SAXO1: variants seen among roughly 807,000 people sequenced by gnomAD.
SAXO1 encodes stabilizer of axonemal microtubules 1.
In SAXO1, 21 loss-of-function variants were observed where a neutral mutation model predicts 17.5. The observed-to-expected ratio is 1.20, with a 90% CI of 0.85 to 1.72. The LOEUF is 1.72. Ranked by LOEUF, SAXO1 falls within the 40% of genes most tolerant of loss-of-function variation. The pLI is 0.00. For synonymous variants in SAXO1, 274 were observed against 216.5 expected (o/e 1.27, Z -2.33); for missense variants, 843 against 596.0 (o/e 1.41, Z -4.32).
At chr9:18,944,400 C>G (rs1010868972) in intron 2 of SAXO1, among the ~76,000 whole-genome samples, 1 of 152,214 alleles carries the variant, frequency 6.6e-6, no homozygotes, top group African/African-American at 2.4e-5. Context: ...TGTCCCCAAT[C>G]ACACATAATC....
At chr9:18,948,130 G>A (rs532341418) in intron 2 of SAXO1, among the ~76,000 whole-genome samples, 3 of 152,272 alleles carry the variant, frequency 2.0e-5, no homozygotes, top group Admixed American at 6.5e-5. Context: ...GCAGACACTG[G>A]GCTGACGCAT....
intron 1 of SAXO1, among the ~76,000 whole-genome samples, chr9:19,030,758 G>A (rs184401167): frequency 5.5e-4 from 84 of 152,254 alleles, no homozygotes; most frequent in African/African-American, 1.9e-3. Flanking sequence ...TTGAGGGAGA[G>A]TAAGAGATGA....
At chr9:19,012,446 A>C (rs1453017230) in intron 1 of SAXO1, among the ~76,000 whole-genome samples, 1 of 152,266 alleles carries the variant, frequency 6.6e-6, no homozygotes, top group Non-Finnish European at 1.5e-5. Context: ...CCTAGAGTGA[A>C]AAATGCTACA....
chr9:18,940,081 T>A (rs1831487027), intron 3 of SAXO1, among the ~76,000 whole-genome samples: 1 of 152,030 alleles, frequency 6.6e-6, no homozygotes, highest in African/African-American at 2.4e-5. Flanking sequence ...GCTCCAAAGA[T>A]AGGCCATGAA....
At chr9:18,990,289 A>G (rs1398914582) in intron 1 of SAXO1, among the ~76,000 whole-genome samples, 2 of 152,188 alleles carry the variant, frequency 1.3e-5, no homozygotes, top group African/African-American at 4.8e-5. Context: ...AAACGCTCCC[A>G]GTTAAAATGG....
intron 1 of SAXO1, among the ~76,000 whole-genome samples, chr9:18,957,781 T>G (rs541291481): frequency 4.1e-4 from 62 of 152,322 alleles, no homozygotes; most frequent in Middle Eastern, 6.8e-3. Flanking sequence ...TGTTTTGTCT[T>G]AACAACCCCC....
rs771516086 is a variant in SAXO1 at position 18,928,901 on chromosome 9, G to A, written c.576C>T (p.Ala192=). 2.5e-6 allele frequency: 4 copies of A among 1,614,182 alleles called. No homozygotes were observed. The highest frequency in any genetic ancestry group is 1.6e-4 in the Middle Eastern group (1 of 6,062). ...LVKTISCKPL[A]MPKLCNIPLE... ...AGGGGATGTTACAGAGCTTTGGCATGGCCAGAGGTTTACAGCTTATGGTCT... is the reference window on the plus strand; with the variant it reads ...AGGGGATGTTACAGAGCTTTGGCATAGCCAGAGGTTTACAGCTTATGGTCT... Residue 192 remains alanine (A), a synonymous_variant, in exon 4 of 4, where the codon GCC becomes GCT. Transcript: ENST00000380534.
chr9:19,030,586 A>G (rs1835717901), intron 1 of SAXO1, among the ~76,000 whole-genome samples: 1 of 152,112 alleles, frequency 6.6e-6, no homozygotes, highest in Non-Finnish European at 1.5e-5. Context: ...GGTACCTGTA[A>G]TCCCAGCTAC....
At chr9:19,012,647 G>C (rs1834797479) in intron 1 of SAXO1, among the ~76,000 whole-genome samples, 3 of 152,226 alleles carry the variant, frequency 2.0e-5, no homozygotes, top group Admixed American at 2.0e-4. Flanking sequence ...GGATACATCA[G>C]AACGTGCAAA....
At chr9:18,939,117 A>G (rs541470830) in intron 3 of SAXO1, among the ~76,000 whole-genome samples, 1 of 152,214 alleles carries the variant, frequency 6.6e-6, no homozygotes, top group South Asian at 2.1e-4. Flanking sequence ...AGGAGAGGCG[A>G]GTCCGCCATC....
chr9:18,932,591 A>T (rs1831101850), intron 3 of SAXO1, among the ~76,000 whole-genome samples: 1 of 152,224 alleles, frequency 6.6e-6, no homozygotes, highest in African/African-American at 2.4e-5. Context: ...TGAGATTTTG[A>T]TAGGAATTGC....
At chr9:18,978,760 G>T (rs1833254144) in intron 1 of SAXO1, among the ~76,000 whole-genome samples, 1 of 152,210 alleles carries the variant, frequency 6.6e-6, no homozygotes, top group Non-Finnish European at 1.5e-5. Flanking sequence ...TCAACAGTTT[G>T]CAGATGGAGA....
chr9:18,927,770 C>A lies in SAXO1; in HGVS notation c.*282G>T, dbSNP rs945442. ...ATAAAATACATCTGGATCAGAGAAA[C>A]CCTCACAGACCAACTTTGATTCCAT... On this transcript the variant is annotated 3_prime_UTR_variant, in exon 4 of 4. Transcript: ENST00000380534. The A allele has an allele frequency of 0.74, 254,518 of 344,134 alleles. 94,971 individuals are homozygous for A. The highest frequency in any genetic ancestry group is 0.8 in the Middle Eastern group (1,029 of 1,292). The allele number at this position is 344,134 out of a possible 1,614,324, so 21.3% of individuals were successfully genotyped here.
At chr9:19,023,848 G>C (rs10122088) in intron 1 of SAXO1, among the ~76,000 whole-genome samples, 127,992 of 151,568 alleles carry the variant, frequency 0.84, 54,356 homozygotes, top group African/African-American at 0.92. Context: ...AAGGAACGAA[G>C]GAACGAACAA....
chr9:18,935,767 C>G (rs1831261697), intron 3 of SAXO1, among the ~76,000 whole-genome samples: 1 of 152,210 alleles, frequency 6.6e-6, no homozygotes, highest in South Asian at 2.1e-4. Context: ...CAGAAGTTGT[C>G]TTCCCTGATT....
At chr9:18,990,098 C>T (rs915998158) in intron 1 of SAXO1, among the ~76,000 whole-genome samples, 2 of 152,002 alleles carry the variant, frequency 1.3e-5, no homozygotes, top group African/African-American at 4.8e-5. Context: ...TAGGTACGCT[C>T]AGTGGCAGAC....
At chr9:18,942,847 A>G (rs1167716528) in intron 2 of SAXO1, among the ~76,000 whole-genome samples, 1 of 152,210 alleles carries the variant, frequency 6.6e-6, no homozygotes, top group Non-Finnish European at 1.5e-5. Context: ...TTCCCTCTGA[A>G]GGGTGTCTGT....
At chr9:18,956,831 T>C (rs1268499824) in intron 1 of SAXO1, among the ~76,000 whole-genome samples, 1 of 152,224 alleles carries the variant, frequency 6.6e-6, no homozygotes, top group African/African-American at 2.4e-5. Context: ...TATATATTAT[T>C]GCATCTAATC....
At chr9:18,995,273 GC>G (rs1833956792) in intron 1 of SAXO1, among the ~76,000 whole-genome samples, 2 of 152,062 alleles carry the variant, frequency 1.3e-5, no homozygotes, top group South Asian at 4.2e-4. Context: ...CTCCTTTCTA[GC>G]GATCAGTATC....
Sources: gnomAD v4.1 joint callset for allele counts (sites outside exome capture counted in the v4.1 genomes callset) on GRCh38, gnomAD v4.1.1 for gene constraint, MANE v1.5 for transcripts, NCBI Gene and HGNC (gene_info 2026-07-23, HGNC 2026-07-21) for gene names.